Variants in CNTN5 observed in about 807,000 individuals in gnomAD.
The protein encoded by CNTN5 is contactin-5.
A neutral mutation model predicts 129.1 loss-of-function variants in CNTN5; 77 were observed. The ratio of observed to expected loss-of-function variants is 0.60; its 90% confidence interval spans 0.50 to 0.72. The LOEUF (loss-of-function observed/expected upper bound fraction) is 0.72. Among genes scored for constraint, CNTN5 ranks in the 30% least tolerant of loss-of-function variants. The pLI is 0.00. For synonymous variants in CNTN5, 509 were observed against 465.6 expected (o/e 1.09, Z -1.20); for missense variants, 1,478 against 1,328.8 (o/e 1.11, Z -1.75).
intron 13 of CNTN5, among the ~76,000 whole-genome samples, chr11:100,094,316 G>T (rs1361400805): frequency 6.6e-6 from 1 of 151,820 alleles, no homozygotes; most frequent in Admixed American, 6.6e-5. Flanking sequence ...CCTCCAACTG[G>T]GTAAGAACTC....
chr11:99,267,449 T>C (rs1362521838), intron 1 of CNTN5, among the ~76,000 whole-genome samples: 2 of 152,058 alleles, frequency 1.3e-5, no homozygotes, highest in Non-Finnish European at 2.9e-5. Context: ...TTACAGTCTA[T>C]GTGCAATTCA....
chr11:100,234,537 CAAG>C (rs1326874124), intron 16 of CNTN5, among the ~76,000 whole-genome samples: 1 of 151,622 alleles, frequency 6.6e-6, no homozygotes, highest in Non-Finnish European at 1.5e-5. Context: ...CTAACTAACA[CAAG>C]AACAGAAAAC....
intron 2 of CNTN5, among the ~76,000 whole-genome samples, chr11:99,326,607 A>G (rs1865795494): frequency 2.0e-5 from 3 of 152,212 alleles, no homozygotes; most frequent in African/African-American, 7.2e-5. Flanking sequence ...AGCTCGTTGC[A>G]GAAAATGTTA....
chr11:100,047,258 CA>C (rs1448852760), intron 9 of CNTN5, among the ~76,000 whole-genome samples: 1 of 105,480 alleles, frequency 9.5e-6, no homozygotes, highest in Admixed American at 9.3e-5. Flanking sequence ...CCTCTTTGAA[CA>C]CCATGGTTCA....
chr11:99,693,590 A>G (rs1347200653), intron 3 of CNTN5, among the ~76,000 whole-genome samples: 1 of 151,998 alleles, frequency 6.6e-6, no homozygotes, highest in Non-Finnish European at 1.5e-5. Context: ...AGTAATGGAC[A>G]GTAGAGCTGG....
chr11:99,123,231 A>G (rs1201683776), intron 1 of CNTN5, among the ~76,000 whole-genome samples: 2 of 151,812 alleles, frequency 1.3e-5, no homozygotes, highest in Non-Finnish European at 2.9e-5. Context: ...CTTTTTAATA[A>G]CGGTCATTCT....
intron 11 of CNTN5, among the ~76,000 whole-genome samples, chr11:100,071,422 T>G (rs1398907894): frequency 2.6e-5 from 4 of 152,106 alleles, no homozygotes; most frequent in Non-Finnish European, 4.4e-5. Context: ...GCTCAACTAG[T>G]GTACCAAAAA....
intron 24 of CNTN5, among the ~76,000 whole-genome samples, chr11:100,352,050 G>A (rs184179661): frequency 6.6e-6 from 1 of 151,768 alleles, no homozygotes; most frequent in East Asian, 1.9e-4. Context: ...ACATGTGCAG[G>A]TTTGTTACAC....
chr11:100,308,494 GC>G (rs752332532), intron 21 of CNTN5, 26 bp downstream of exon 21: 1 of 1,594,994 alleles, frequency 6.3e-7, no homozygotes, highest in Non-Finnish European at 8.5e-7. Context: ...TTGAAAATAA[GC>G]CTTATTGTTT....
At chr11:99,954,742 A>T (rs1950757887) in intron 7 of CNTN5, among the ~76,000 whole-genome samples, 1 of 152,210 alleles carries the variant, frequency 6.6e-6, no homozygotes, top group Non-Finnish European at 1.5e-5. Context: ...CAATATTTTC[A>T]TTTTTGGCAC....
intron 18 of CNTN5, among the ~76,000 whole-genome samples, chr11:100,283,659 C>T (rs1017243972): frequency 6.6e-6 from 1 of 152,104 alleles, no homozygotes; most frequent in Non-Finnish European, 1.5e-5. Context: ...TAAATATTCC[C>T]TCCGGGCCGG....
chr11:99,908,677 T>A (rs944575118), intron 6 of CNTN5, among the ~76,000 whole-genome samples: 1 of 152,068 alleles, frequency 6.6e-6, no homozygotes, highest in African/African-American at 2.4e-5. Flanking sequence ...TTAGTTATCA[T>A]TTGTATTATT....
At chr11:100,122,824 G>T (rs1178623406) in intron 13 of CNTN5, among the ~76,000 whole-genome samples, 1 of 152,026 alleles carries the variant, frequency 6.6e-6, no homozygotes, top group East Asian at 1.9e-4. Context: ...TCCTGAATGT[G>T]TCTGGAGGTT....
chr11:99,716,830 C>T (rs1955256222), intron 3 of CNTN5, among the ~76,000 whole-genome samples: 2 of 152,008 alleles, frequency 1.3e-5, no homozygotes, highest in Admixed American at 1.3e-4. Flanking sequence ...GATAGTCATT[C>T]ATTCAACAGT....
intron 2 of CNTN5, among the ~76,000 whole-genome samples, chr11:99,464,208 T>C (rs775470837): frequency 6.6e-6 from 1 of 152,200 alleles, no homozygotes; most frequent in Non-Finnish European, 1.5e-5. Context: ...TTGGGGAGTA[T>C]CTTATGCTGC....
At chr11:100,184,859 A>G (rs1948248655) in intron 13 of CNTN5, among the ~76,000 whole-genome samples, 2 of 152,028 alleles carry the variant, frequency 1.3e-5, no homozygotes, top group Non-Finnish European at 1.5e-5. Flanking sequence ...CCTAAATCTC[A>G]TCTACATTGT....
chr11:99,034,250 C>T (rs956679246), intron 1 of CNTN5, among the ~76,000 whole-genome samples: 10 of 152,130 alleles, frequency 6.6e-5, no homozygotes, highest in Admixed American at 6.5e-5. Context: ...TGCGTTTCTG[C>T]CCGGCTTTGG....
At chr11:99,271,534 T>G (rs148701045) in intron 1 of CNTN5, among the ~76,000 whole-genome samples, 195 of 152,022 alleles carry the variant, frequency 1.3e-3, no homozygotes, top group African/African-American at 4.6e-3. Flanking sequence ...ATTCATAGCC[T>G]AAAGCATCAT....
At chr11:99,878,915 G>T (rs1450439556) in intron 6 of CNTN5, among the ~76,000 whole-genome samples, 3 of 152,002 alleles carry the variant, frequency 2.0e-5, no homozygotes, top group African/African-American at 7.2e-5. Context: ...TTCTGGTGAA[G>T]ATACATGTTT....
Sources: allele counts gnomAD v4.1 joint callset (sites outside exome capture counted in the v4.1 genomes callset), GRCh38; gene constraint gnomAD v4.1.1; transcripts MANE v1.5; gene names NCBI Gene and HGNC (gene_info 2026-07-23, HGNC 2026-07-21).